The following PCDHA4 variants were observed in gnomAD, a reference collection of about 807,000 sequenced individuals.
PCDHA4 encodes the protein protocadherin alpha-4.
PCDHA4 carries 49 observed loss-of-function variants against 61.4 expected under a neutral mutation model. That is an observed-to-expected ratio of 0.80 (90% CI 0.63 to 1.01). The LOEUF is 1.01. PCDHA4 is among the 50% of genes least tolerant of loss of function. PCDHA4 has a pLI of 0.00. For missense variants in PCDHA4, 1,254 were observed against 1,235.8 expected, an observed-to-expected ratio of 1.01 and a Z score of -0.22; for synonymous variants, 590 against 550.3, an observed-to-expected ratio of 1.07 and a Z score of -1.01.
At chr5:140,897,032 T>C (rs2065847458) in intron 1 of PCDHA4, among the ~76,000 whole-genome samples, 2 of 152,146 alleles carry the variant, frequency 1.3e-5, no homozygotes, top group Non-Finnish European at 2.9e-5. Flanking sequence ...ATTTAGACCA[T>C]AGTCACCCTA....
intron 1 of PCDHA4, among the ~76,000 whole-genome samples, chr5:140,961,071 G>GT (rs2095588240): frequency 6.6e-6 from 1 of 152,208 alleles, no homozygotes; most frequent in African/African-American, 2.4e-5. Flanking sequence ...GATATCTGGA[G>GT]TATCAAGTAA....
At chr5:140,828,257 C>G (rs2150153164) in intron 1 of PCDHA4, 31 of 1,613,872 alleles carry the variant, frequency 1.9e-5, no homozygotes, top group Non-Finnish European at 2.5e-5. Context: ...GGGGCTGGAG[C>G]TGGCGGAGCT....
Position 140,988,326 on chromosome 5 carries a change from G to A in PCDHA4, c.2533+5763G>A, listed in dbSNP as rs144904425. 8.4e-3 allele frequency among the ~76,000 whole-genome samples: 1,281 copies of A among 152,296 alleles called. 12 individuals carry two copies. The highest frequency in any genetic ancestry group is 0.014 in the Non-Finnish European group (960 of 68,020). ...CAGCTTGGCTTGGCTTTCTCTACCC[G>A]AGGAAAGTAAGTCCTTTTAAGATGC... On this transcript the variant is annotated intron_variant, in intron 3 of 3. Coordinates refer to ENST00000530339, the MANE Select transcript of PCDHA4 (RefSeq NM_018907.4).
intron 1 of PCDHA4, chr5:140,822,271 C>T: frequency 6.2e-7 from 1 of 1,614,210 alleles, no homozygotes; most frequent in Non-Finnish European, 8.5e-7. Context: ...AGCAAATGCA[C>T]AATTGAGATA....
chr5:140,877,201 G>T, intron 1 of PCDHA4: 1 of 1,613,830 alleles, frequency 6.2e-7, no homozygotes, highest in South Asian at 1.1e-5. Flanking sequence ...AGGAGGCGCA[G>T]TTAGCGAGTT....
chr5:141,006,921 A>G (rs1229765479), intron 3 of PCDHA4, among the ~76,000 whole-genome samples: 1 of 152,176 alleles, frequency 6.6e-6, no homozygotes, highest in Non-Finnish European at 1.5e-5. Context: ...TGCCCATGAG[A>G]TTTCCAACTG....
At chr5:140,859,117 T>C (rs1441256234) in intron 1 of PCDHA4, 3 of 150,206 alleles carry the variant, frequency 2.0e-5, no homozygotes, top group Non-Finnish European at 4.5e-5. Context: ...AGAAAATGTA[T>C]GTTTCTTTTA....
intron 1 of PCDHA4, chr5:140,848,954 A>G (rs2150426355): frequency 1.4e-5 from 23 of 1,606,754 alleles, no homozygotes; most frequent in Admixed American, 5.1e-5. Flanking sequence ...CTCGGTTTCC[A>G]CTAGAGGGCG....
At chr5:140,842,748 C>T (rs149941021) in intron 1 of PCDHA4, 2 of 1,595,020 alleles carry the variant, frequency 1.3e-6, no homozygotes, top group East Asian at 2.2e-5. Flanking sequence ...CACATCTTCA[C>T]GGTGTCTGCG....
chr5:140,987,244 A>T (rs1184597193), intron 3 of PCDHA4, among the ~76,000 whole-genome samples: 1 of 152,018 alleles, frequency 6.6e-6, no homozygotes, highest in Non-Finnish European at 1.5e-5. Context: ...ATAAAGAAAG[A>T]AAGACATTCT....
chr5:140,996,130 G>A (rs1185857732), intron 3 of PCDHA4, among the ~76,000 whole-genome samples: 2 of 152,162 alleles, frequency 1.3e-5, no homozygotes, highest in African/African-American at 4.8e-5. Flanking sequence ...GGTGTAGAGG[G>A]TTCTCCCATT....
Position 140,858,255 on chromosome 5 carries a change from C to T in PCDHA4, c.2385+48683C>T, listed in dbSNP as rs782505724. On this transcript the variant is annotated intron_variant, in intron 1 of 3. Coordinates refer to ENST00000530339, the MANE Select transcript of PCDHA4 (RefSeq NM_018907.4). ...GGCGCATGTGGGCCGGTGAAGCCCA[C>T]GCTGGTGTGCTCTAGCGCGGTGGGG... The T allele has an allele frequency of 1.9e-6, 3 of 1,596,960 alleles. No individual in the cohort carries two copies. In the South Asian group the frequency reaches 3.3e-5, roughly 18 times the overall value.
chr5:140,847,482 A>G (rs1283020613), intron 1 of PCDHA4: 1 of 149,956 alleles, frequency 6.7e-6, no homozygotes, highest in Non-Finnish European at 1.5e-5. Flanking sequence ...TTGGAATAAG[A>G]TAGTAAAACT....
At chr5:140,959,591 A>C (rs2095498403) in intron 1 of PCDHA4, among the ~76,000 whole-genome samples, 1 of 152,220 alleles carries the variant, frequency 6.6e-6, no homozygotes, top group African/African-American at 2.4e-5. Context: ...CTATCAGCCA[A>C]GTATAACATG....
At chr5:140,842,485 C>G (rs2150337249) in intron 1 of PCDHA4, 1 of 1,613,908 alleles carries the variant, frequency 6.2e-7, no homozygotes, top group Non-Finnish European at 8.5e-7. Flanking sequence ...TGACCTGCTC[C>G]CTGATGCCCC....
At position 140,807,149 on chromosome 5, in the gene PCDHA4, A is replaced by T. The variant is rs1448139533; in HGVS notation, c.-39A>T. 6.3e-7 allele frequency: 1 copy of T among 1,578,410 alleles called. No individual in the cohort carries two copies. The highest frequency in any genetic ancestry group is 1.8e-5 in the Admixed American group (1 of 55,984). On this transcript the variant is annotated 5_prime_UTR_variant, in exon 1 of 4. Coordinates refer to ENST00000530339, the MANE Select transcript of PCDHA4 (RefSeq NM_018907.4). ...TTAAAAGATTTCCCTTGACTTTGAGAAACGATATTTAATCAGAACAAAATA... is the reference window on the plus strand; with the variant it reads ...TTAAAAGATTTCCCTTGACTTTGAGTAACGATATTTAATCAGAACAAAATA...
At chr5:140,829,840 G>A (rs1554132317) in intron 1 of PCDHA4, 3 of 1,613,938 alleles carry the variant, frequency 1.9e-6, no homozygotes, top group Non-Finnish European at 2.5e-6. Context: ...TGGTGCCGCG[G>A]TCACTGGGTG....
At chr5:140,832,592 C>A (rs1300587314) in intron 1 of PCDHA4, among the ~76,000 whole-genome samples, 1 of 152,174 alleles carries the variant, frequency 6.6e-6, no homozygotes, top group Non-Finnish European at 1.5e-5. Context: ...AAGTAGAGAA[C>A]TATAGCGTTG....
At chr5:140,969,244 G>A (rs1345944804) in intron 1 of PCDHA4, 2 of 1,614,088 alleles carry the variant, frequency 1.2e-6, no homozygotes, top group Non-Finnish European at 1.7e-6. Flanking sequence ...AAGCAGCAGT[G>A]ACTGACAGCA....
Sources: gnomAD v4.1 joint callset for allele counts (sites outside exome capture counted in the v4.1 genomes callset) on GRCh38, gnomAD v4.1.1 for gene constraint, MANE v1.5 for transcripts, NCBI Gene and HGNC (gene_info 2026-07-23, HGNC 2026-07-21) for gene names.